REV3L: variants seen among roughly 807,000 people sequenced by gnomAD.
The protein encoded by REV3L is REV3 like, DNA directed polymerase zeta catalytic subunit.
A neutral mutation model predicts 299.4 loss-of-function variants in REV3L; 69 were observed. The observed-to-expected ratio is 0.23, with a 90% confidence interval of 0.19 to 0.28. The LOEUF is 0.28. REV3L is among the 10% of genes least tolerant of loss of function. REV3L has a pLI of 1.00. For synonymous variants in REV3L, 1,238 were observed against 1,271.4 expected, an observed-to-expected ratio of 0.97 and a Z score of 0.56; for missense variants, 3,128 against 3,693.8, an observed-to-expected ratio of 0.85 and a Z score of 3.97.
chr6:111,452,627 T>G (rs999180262), intron 1 of REV3L, among the ~76,000 whole-genome samples: 21 of 152,192 alleles, frequency 1.4e-4, no homozygotes, highest in African/African-American at 4.8e-4. Context: ...TAAGTGGTTG[T>G]GAGGGACCAG....
intron 13 of REV3L, among the ~76,000 whole-genome samples, chr6:111,369,490 AT>A (rs1779568208): frequency 6.6e-6 from 1 of 152,114 alleles, no homozygotes; most frequent in African/African-American, 2.4e-5. Flanking sequence ...AAATGCTAAT[AT>A]CTTCTTAACA....
chr6:111,414,080 G>C (rs1286076019), intron 2 of REV3L, among the ~76,000 whole-genome samples: 1 of 151,968 alleles, frequency 6.6e-6, no homozygotes, highest in Non-Finnish European at 1.5e-5. Flanking sequence ...TTACATGCTA[G>C]TGGAAGAAAC....
chr6:111,309,029 C>T (rs1473836004), intron 30 of REV3L, among the ~76,000 whole-genome samples: 1 of 152,232 alleles, frequency 6.6e-6, no homozygotes, highest in Non-Finnish European at 1.5e-5. Context: ...TAGGGGAGCA[C>T]ACAGACGGGC....
chr6:111,326,106 T>C (rs1213369722), intron 25 of REV3L, among the ~76,000 whole-genome samples: 5 of 152,190 alleles, frequency 3.3e-5, no homozygotes, highest in African/African-American at 1.2e-4. Context: ...GATTTTATTC[T>C]TTTTTAGGGC....
chr6:111,331,141 A>C (rs1376066193), intron 24 of REV3L: 6 of 455,810 alleles, frequency 1.3e-5, no homozygotes, highest in Non-Finnish European at 1.7e-5. Flanking sequence ...TTTGTCTTTA[A>C]TTTGTAAAGT....
intron 31 of REV3L, among the ~76,000 whole-genome samples, chr6:111,300,359 A>G (rs1056109746): frequency 5.9e-5 from 9 of 152,190 alleles, no homozygotes; most frequent in South Asian, 2.1e-4. Flanking sequence ...TTTTGTAAAG[A>G]TAGAGTACAA....
At chr6:111,325,534 T>C (rs1774687637) in intron 25 of REV3L, among the ~76,000 whole-genome samples, 1 of 152,266 alleles carries the variant, frequency 6.6e-6, no homozygotes, top group African/African-American at 2.4e-5. Context: ...AAGTCTCATC[T>C]TTCTCTATGA....
chr6:111,445,090 G>A (rs1452674813), intron 1 of REV3L, among the ~76,000 whole-genome samples: 1 of 152,234 alleles, frequency 6.6e-6, no homozygotes, highest in African/African-American at 2.4e-5. Flanking sequence ...CTCTCGGCAT[G>A]TGGCCAACTG....
intron 30 of REV3L, 99 bp downstream of exon 30, chr6:111,309,754 C>T (rs1772752736): frequency 5.2e-6 from 7 of 1,335,738 alleles, no homozygotes; most frequent in Non-Finnish European, 7.1e-6. Context: ...CCCTTCCCAG[C>T]ACTCCCATAT....
intron 21 of REV3L, among the ~76,000 whole-genome samples, chr6:111,338,312 CTTTTT>C (rs144497761): frequency 9.6e-4 from 46 of 47,818 alleles, no homozygotes; most frequent in African/African-American, 1.7e-3. Context: ...GTCTAAAGTC[CTTTTT>C]TTTTTTTTTT....
rs1583409888 is a variant in REV3L, at chr6:111,299,084, A to AAAAC, written c.*928_*931dup. 1 of 152,510 alleles carries AAAAC rather than the reference A, an allele frequency of 6.6e-6. No homozygotes were observed. The highest frequency in any genetic ancestry group is 2.4e-5 in the African/African-American group (1 of 41,448). The allele number at this position is 152,510 out of a possible 1,614,324, so 9.4% of individuals were successfully genotyped here. On this transcript the variant is annotated 3_prime_UTR_variant, in exon 32 of 32. Coordinates refer to ENST00000368802, the MANE Select transcript of REV3L (RefSeq NM_001372078.1). The stretch of plus-strand genomic sequence containing the variant: ...AATATGGTTTCCATTATTAACTTTT[A>AAAAC]AAACAAAATGATTTCCAGTTTAAAA...
Position 111,423,433 on chromosome 6 carries a change from G to A in REV3L, c.140-6961C>T, listed in dbSNP as rs545203942. On this transcript the variant is annotated intron_variant, in intron 1 of 31. Coordinates refer to ENST00000368802, the MANE Select transcript of REV3L (RefSeq NM_001372078.1). ...ACAGCAACAGAAACATGGCATCTGG[G>A]AACAGGAAAAGTGTAGGTGGGATGA... Among the ~76,000 whole-genome samples the A allele has an allele frequency of 8.5e-5, 13 of 152,214 alleles. No individual in the cohort carries two copies. In the East Asian group the frequency reaches 2.5e-3, roughly 29 times the overall value.
intron 4 of REV3L, among the ~76,000 whole-genome samples, chr6:111,393,478 C>T (rs531675836): frequency 1.3e-5 from 2 of 152,280 alleles, no homozygotes; most frequent in Non-Finnish European, 2.9e-5. Context: ...TCAGCCCAAA[C>T]ATTATTCACC....
intron 3 of REV3L, among the ~76,000 whole-genome samples, chr6:111,407,807 G>A (rs1263294777): frequency 1.3e-5 from 2 of 152,040 alleles, no homozygotes; most frequent in South Asian, 4.2e-4. Context: ...CGTGGTGGTG[G>A]TGCCTGTAAT....
chr6:111,447,173 C>T (rs1788963263), intron 1 of REV3L, among the ~76,000 whole-genome samples: 2 of 152,102 alleles, frequency 1.3e-5, no homozygotes, highest in East Asian at 3.9e-4. Flanking sequence ...ACAGAATACA[C>T]CTGATGGTTT....
At chr6:111,389,309 A>G (rs1047664143) in intron 6 of REV3L, 99 bp from the exon 7 acceptor site, 1 of 855,734 alleles carries the variant, frequency 1.2e-6, no homozygotes, top group African/African-American at 1.7e-5. Flanking sequence ...AAAAAAACCA[A>G]TCACATATTT....
Position 111,453,947 on chromosome 6 carries a change from T to C in REV3L, c.139+28803A>G, listed in dbSNP as rs533802355. ...GTTGCAGTGTGCTAAGATCATGCCA[T>C]TGCACTCCAGCCTGGGCTACAGGGC... On this transcript the variant is annotated intron_variant, in intron 1 of 31. Transcript: ENST00000368802. Among the ~76,000 whole-genome samples, 17 of 152,162 alleles carry C rather than the reference T, an allele frequency of 1.1e-4. No individual in the cohort carries two copies. In the East Asian group the frequency reaches 3.3e-3, roughly 29 times the overall value.
intron 1 of REV3L, among the ~76,000 whole-genome samples, chr6:111,434,914 G>A (rs1459164715): frequency 6.6e-6 from 1 of 152,012 alleles, no homozygotes; most frequent in African/African-American, 2.4e-5. Flanking sequence ...TATTGTTAAA[G>A]TAACAATTCT....
chr6:111,435,976 C>T (rs151327653), intron 1 of REV3L, among the ~76,000 whole-genome samples: 1 of 152,214 alleles, frequency 6.6e-6, no homozygotes, highest in East Asian at 1.9e-4. Flanking sequence ...AACAAATAAT[C>T]TGATTTTTAA....
Sources: allele counts gnomAD v4.1 joint callset (sites outside exome capture counted in the v4.1 genomes callset), GRCh38; gene constraint gnomAD v4.1.1; transcripts MANE v1.5; gene names NCBI Gene and HGNC (gene_info 2026-07-23, HGNC 2026-07-21).